Variants in NCKAP1 observed in about 807,000 individuals in gnomAD.
NCKAP1 encodes NCK associated protein 1.
Under a neutral mutation model 151.2 loss-of-function variants are expected in NCKAP1, and 21 were observed. The ratio of observed to expected loss-of-function variants is 0.14; its 90% CI spans 0.10 to 0.20. NCKAP1 has a LOEUF of 0.20. Ranked by LOEUF, NCKAP1 falls within the 10% of genes least tolerant of loss-of-function variation. The pLI is 1.00. For missense variants in NCKAP1, 933 were observed against 1,352.1 expected, an observed-to-expected ratio of 0.69 and a Z score of 4.86; for synonymous variants, 484 against 451.8, an observed-to-expected ratio of 1.07 and a Z score of -0.90.
intron 2 of NCKAP1, among the ~76,000 whole-genome samples, chr2:183,021,652 TA>T (rs1698799858): frequency 6.6e-6 from 1 of 152,048 alleles, no homozygotes; most frequent in Non-Finnish European, 1.5e-5. Flanking sequence ...ACAACTTGGA[TA>T]AACCTTGAAA....
chr2:182,998,433 C>T (rs895202256), intron 6 of NCKAP1, among the ~76,000 whole-genome samples: 1 of 151,996 alleles, frequency 6.6e-6, no homozygotes, highest in African/African-American at 2.4e-5. Flanking sequence ...AATTCTATAC[C>T]TAGAAAACTA....
chr2:183,022,000 G>T (rs544274704), intron 2 of NCKAP1, among the ~76,000 whole-genome samples: 28 of 152,094 alleles, frequency 1.8e-4, no homozygotes, highest in South Asian at 1.3e-3. Flanking sequence ...TGCTTCAAAA[G>T]TTAGAAAGAG....
rs1355907102 is a variant in NCKAP1, at chr2:182,916,916, T to C, written c.*8786A>G. 1.3e-5 allele frequency: 2 copies of C among 152,184 alleles called. No homozygotes were observed. The highest frequency in any genetic ancestry group is 2.9e-5 in the Non-Finnish European group (2 of 68,024). The allele number at this position is 152,184 out of a possible 1,614,324, so 9.4% of individuals were successfully genotyped here. The stretch of plus-strand genomic sequence containing the variant: ...AAAGACTCCGATCAGAGCTATAGAA[T>C]AGACTAACACACAAATGTTACATTT... On this transcript the variant is annotated 3_prime_UTR_variant, in exon 31 of 31. Coordinates refer to ENST00000361354, the MANE Select transcript of NCKAP1 (RefSeq NM_013436.5).
At chr2:182,984,995 G>A (rs539122230) in intron 10 of NCKAP1, among the ~76,000 whole-genome samples, 4 of 152,252 alleles carry the variant, frequency 2.6e-5, no homozygotes, top group Admixed American at 2.0e-4. Context: ...TCTATCCCAC[G>A]AAGAAATAAT....
At chr2:182,932,221 G>C (rs1276977812) in intron 26 of NCKAP1, among the ~76,000 whole-genome samples, 1 of 152,058 alleles carries the variant, frequency 6.6e-6, no homozygotes, top group Non-Finnish European at 1.5e-5. Context: ...AAACAACCCA[G>C]ATGTCCATCA....
At chr2:182,951,230 A>G (rs1251507683) in intron 23 of NCKAP1, among the ~76,000 whole-genome samples, 1 of 152,180 alleles carries the variant, frequency 6.6e-6, no homozygotes, top group Non-Finnish European at 1.5e-5. Flanking sequence ...TTATTCACTC[A>G]GCAAAATACT....
intron 1 of NCKAP1, among the ~76,000 whole-genome samples, chr2:183,032,842 A>G (rs1470584161): frequency 6.6e-6 from 1 of 152,038 alleles, no homozygotes; most frequent in Non-Finnish European, 1.5e-5. Context: ...ACCCCAGGAG[A>G]CAGAGACCAG....
chr2:182,967,118 G>T, intron 16 of NCKAP1, 98 bp downstream of exon 16: 1 of 1,100,876 alleles, frequency 9.1e-7, no homozygotes, highest in Non-Finnish European at 1.3e-6. Flanking sequence ...ATCTATTACT[G>T]AACTGTCTTA....
At chr2:183,018,484 C>A (rs1698737000) in intron 2 of NCKAP1, among the ~76,000 whole-genome samples, 1 of 152,130 alleles carries the variant, frequency 6.6e-6, no homozygotes, top group Admixed American at 6.5e-5. Flanking sequence ...TAAGTCCTTA[C>A]CAAACCACAG....
At chr2:183,022,209 CAT>C (rs1001366539) in intron 2 of NCKAP1, among the ~76,000 whole-genome samples, 1 of 152,124 alleles carries the variant, frequency 6.6e-6, no homozygotes, top group Non-Finnish European at 1.5e-5. Context: ...CACACAAACA[CAT>C]GTGTAAACTA....
rs1487004284 is a variant in NCKAP1, at chr2:182,912,959, A to G, written c.*12743T>C. On this transcript the variant is annotated 3_prime_UTR_variant, in exon 31 of 31. Transcript: ENST00000361354. ...CTAATGGCATCATACTAATTTTCCA[A>G]TGCATTCACCTATCCATTGGCCATG... 6.6e-6 allele frequency: 1 copy of G among 152,158 alleles called. No individual in the cohort carries two copies. Among genetic ancestry groups the G allele is most frequent in the Non-Finnish European group, 1.5e-5 (1 of 68,034 alleles). The allele number at this position is 152,158 out of a possible 1,614,324, so 9.4% of individuals were successfully genotyped here.
chr2:182,971,250 C>T (rs895624394), intron 15 of NCKAP1, among the ~76,000 whole-genome samples: 4 of 150,762 alleles, frequency 2.7e-5, no homozygotes, highest in African/African-American at 9.7e-5. Context: ...AAAAATTAGC[C>T]GGGCGTAGTG....
Position 182,989,660 on chromosome 2 carries a change from C to T in NCKAP1, c.791-474G>A, listed in dbSNP as rs149183127. Among the ~76,000 whole-genome samples, 771 of 152,072 alleles carry T rather than the reference C, an allele frequency of 5.1e-3. 9 individuals carry two copies. Among genetic ancestry groups the T allele is most frequent in the African/African-American group, 0.017 (698 of 41,480 alleles). ...CCAGGAGGCAGAGGTTGCAGTGAGT[C>T]GAGGTTGCGCCACTGCACTCCAGCC... On this transcript the variant is annotated intron_variant, in intron 8 of 30. Transcript: ENST00000361354.
chr2:182,999,785 G>C (rs72888422), intron 6 of NCKAP1, among the ~76,000 whole-genome samples: 159 of 152,294 alleles, frequency 1.0e-3, no homozygotes, highest in Non-Finnish European at 2.0e-3. Context: ...GATAAAGAGA[G>C]TGTGGTATAT....
At chr2:183,026,806 T>TA (rs1179281224) in intron 1 of NCKAP1, among the ~76,000 whole-genome samples, 1 of 152,180 alleles carries the variant, frequency 6.6e-6, no homozygotes, top group African/African-American at 2.4e-5. Flanking sequence ...AGAAACCATG[T>TA]AAAGCATTTA....
At chr2:183,005,264 C>A (rs1194914557) in intron 2 of NCKAP1, among the ~76,000 whole-genome samples, 1 of 152,026 alleles carries the variant, frequency 6.6e-6, no homozygotes, top group African/African-American at 2.4e-5. Flanking sequence ...GCTTAATAAT[C>A]CCAATTTATT....
Position 182,956,464 on chromosome 2 carries a change from G to C in NCKAP1, c.2151C>G (p.Thr717=), listed in dbSNP as rs779606575. The C allele has an allele frequency of 1.2e-6, 2 of 1,608,066 alleles. No individual in the cohort carries two copies. The highest frequency in any genetic ancestry group is 2.2e-5 in the East Asian group (1 of 44,704). The change falls in exon 20 of 31, where the codon ACC becomes ACG. Residue 717 remains threonine, a splice_region_variant and synonymous_variant. Coordinates refer to ENST00000361354, the MANE Select transcript of NCKAP1 (RefSeq NM_013436.5). The stretch of plus-strand genomic sequence containing the variant: ...AAACAGTCAATATTCTTTCTTACTT[G>C]GTAAAGCGTATTTCCAGATGAGAAG... ...YLTSHLEIRF[T]KSIVGMTMYN...
chr2:182,981,561 AAAG>A (rs1225808224), intron 12 of NCKAP1, among the ~76,000 whole-genome samples, 185 bp from the exon 13 acceptor site: 1 of 152,098 alleles, frequency 6.6e-6, no homozygotes, highest in African/African-American at 2.4e-5. Context: ...AGCAAGAAAA[AAAG>A]AAGAAAGAAA....
At position 182,928,110 on chromosome 2, in the gene NCKAP1, T is replaced by C. The variant is rs1351438025; in HGVS notation, c.3180+7A>G. On this transcript the variant is annotated splice_region_variant and intron_variant, in intron 29 of 30. Transcript: ENST00000361354. ...TGTGATGAGTTTTGTTATTTGATTA[T>C]ACATACCGCCAGAAATTCTTTAAGA... 8 of 1,570,262 alleles carry C rather than the reference T, an allele frequency of 5.1e-6. No homozygotes were observed. Among genetic ancestry groups the C allele is most frequent in the South Asian group, 2.3e-5 (2 of 88,438 alleles).
Sources: allele counts gnomAD v4.1 joint callset (sites outside exome capture counted in the v4.1 genomes callset), GRCh38; gene constraint gnomAD v4.1.1; transcripts MANE v1.5; gene names NCBI Gene and HGNC (gene_info 2026-07-23, HGNC 2026-07-21).